The following DLG2 variants were observed in gnomAD, a reference collection of about 807,000 sequenced individuals.
DLG2 encodes disks large homolog 2.
A neutral mutation model predicts 132.5 loss-of-function variants in DLG2; 45 were observed. That is an observed-to-expected ratio of 0.34 (90% CI 0.27 to 0.44). The LOEUF is 0.44. Ranked by LOEUF, DLG2 falls within the 20% of genes least tolerant of loss-of-function variation. The pLI is 1.00. For missense variants in DLG2, 1,045 were observed against 1,196.9 expected (o/e 0.87, Z 1.87); for synonymous variants, 424 against 419.6 (o/e 1.01, Z -0.13).
At chr11:84,012,936 G>T (rs2094965898) in intron 11 of DLG2, among the ~76,000 whole-genome samples, 1 of 151,934 alleles carries the variant, frequency 6.6e-6, no homozygotes, top group Non-Finnish European at 1.5e-5. Flanking sequence ...TAATTAATTG[G>T]CTATGATGTT....
At chr11:85,008,424 G>A (rs1229839384) in intron 6 of DLG2, among the ~76,000 whole-genome samples, 1 of 152,040 alleles carries the variant, frequency 6.6e-6, no homozygotes, top group Non-Finnish European at 1.5e-5. Context: ...GTTTGAATAA[G>A]AAATTTTACA....
intron 6 of DLG2, among the ~76,000 whole-genome samples, chr11:84,721,378 A>C (rs1719998293): frequency 6.6e-6 from 1 of 152,172 alleles, no homozygotes; most frequent in East Asian, 1.9e-4. Flanking sequence ...TGTCAAACTC[A>C]AAAAAGAAGT....
chr11:84,271,426 G>A (rs1225373607), intron 7 of DLG2, among the ~76,000 whole-genome samples: 1 of 152,180 alleles, frequency 6.6e-6, no homozygotes, highest in Admixed American at 6.5e-5. Context: ...TCTATTCCAT[G>A]TATTAACACA....
intron 20 of DLG2, among the ~76,000 whole-genome samples, chr11:83,536,315 T>A (rs2095874844): frequency 6.6e-6 from 1 of 152,224 alleles, no homozygotes; most frequent in Non-Finnish European, 1.5e-5. Flanking sequence ...GTTAAATCCC[T>A]ATTTGAGTTG....
chr11:83,796,468 T>G (rs1696463268), intron 17 of DLG2, among the ~76,000 whole-genome samples: 1 of 152,234 alleles, frequency 6.6e-6, no homozygotes, highest in African/African-American at 2.4e-5. Context: ...CCCACTCCCT[T>G]CCGCATCCCT....
At chr11:84,185,299 T>G (rs953416771) in intron 8 of DLG2, among the ~76,000 whole-genome samples, 3 of 152,144 alleles carry the variant, frequency 2.0e-5, no homozygotes, top group African/African-American at 7.2e-5. Flanking sequence ...CCCTTGTAAG[T>G]TGGATTCCTA....
At chr11:84,430,293 G>T (rs570968319) in intron 7 of DLG2, among the ~76,000 whole-genome samples, 1 of 152,032 alleles carries the variant, frequency 6.6e-6, no homozygotes, top group South Asian at 2.1e-4. Flanking sequence ...AAAAAAATTA[G>T]CTGAGCTTGG....
intron 4 of DLG2, among the ~76,000 whole-genome samples, chr11:85,251,892 T>A (rs1198560612): frequency 6.6e-6 from 1 of 152,206 alleles, no homozygotes; most frequent in Admixed American, 6.5e-5. Context: ...ATTCACTTTT[T>A]AACCTAATTT....
chr11:84,811,247 T>C (rs2076528276), intron 6 of DLG2, among the ~76,000 whole-genome samples: 1 of 152,114 alleles, frequency 6.6e-6, no homozygotes, highest in Non-Finnish European at 1.5e-5. Context: ...AACCACCAGC[T>C]GGTATATAAG....
At chr11:85,159,736 A>G (rs148440740) in intron 4 of DLG2, among the ~76,000 whole-genome samples, 1 of 152,328 alleles carries the variant, frequency 6.6e-6, no homozygotes, top group East Asian at 1.9e-4. Context: ...ATTCCTGTTC[A>G]TAAGACCCAT....
intron 3 of DLG2, among the ~76,000 whole-genome samples, chr11:85,574,984 C>T (rs1420068582): frequency 6.6e-6 from 1 of 152,110 alleles, no homozygotes; most frequent in African/African-American, 2.4e-5. Context: ...TAAACCATAA[C>T]TATTTCTCAC....
intron 7 of DLG2, among the ~76,000 whole-genome samples, chr11:84,387,639 A>C (rs1385831901): frequency 2.0e-5 from 3 of 152,148 alleles, no homozygotes; most frequent in Non-Finnish European, 4.4e-5. Context: ...TACAGTACCC[A>C]AATGCCACAA....
chr11:85,269,996 C>T (rs990599687), intron 4 of DLG2, among the ~76,000 whole-genome samples: 2 of 152,046 alleles, frequency 1.3e-5, no homozygotes, highest in Admixed American at 1.3e-4. Context: ...TAATAAGGGC[C>T]AGATAAGTGT....
chr11:83,520,453 G>C (rs754826433), intron 21 of DLG2, among the ~76,000 whole-genome samples: 1 of 152,146 alleles, frequency 6.6e-6, no homozygotes, highest in Non-Finnish European at 1.5e-5. Flanking sequence ...TGCACAGAAA[G>C]GGAAAAATCA....
chr11:85,203,271 T>G (rs1476731615), intron 4 of DLG2, among the ~76,000 whole-genome samples: 1 of 150,778 alleles, frequency 6.6e-6, no homozygotes, highest in Non-Finnish European at 1.5e-5. Flanking sequence ...CAAACAAAAT[T>G]AACAAACCTG....
intron 6 of DLG2, among the ~76,000 whole-genome samples, chr11:84,992,514 T>C (rs961202690): frequency 1.3e-5 from 2 of 152,328 alleles, no homozygotes; most frequent in East Asian, 3.9e-4. Flanking sequence ...TAGGGCTCCA[T>C]GGAACACAGT....
At chr11:84,416,269 C>G (rs1270505166) in intron 7 of DLG2, among the ~76,000 whole-genome samples, 2 of 152,160 alleles carry the variant, frequency 1.3e-5, no homozygotes, top group Non-Finnish European at 2.9e-5. Flanking sequence ...TTCAATGCTT[C>G]TTAAGAATTT....
At position 85,498,914 on chromosome 11, in the gene DLG2, C is replaced by T. The variant is rs187983878; in HGVS notation, c.40+99743G>A. On this transcript the variant is annotated intron_variant, in intron 3 of 27. Transcript: ENST00000376104. ...CAATGAGAACAAGGACACCATGTAC[C>T]AGAATCTCTGGGACACATTTAAAGC... Among the ~76,000 whole-genome samples the T allele has an allele frequency of 5.1e-3, 776 of 152,228 alleles. 5 individuals carry two copies. Among genetic ancestry groups the T allele is most frequent in the Non-Finnish European group, 8.8e-3 (598 of 68,018 alleles).
At chr11:84,949,039 G>T (rs953673829) in intron 6 of DLG2, among the ~76,000 whole-genome samples, 1 of 152,086 alleles carries the variant, frequency 6.6e-6, no homozygotes, top group African/African-American at 2.4e-5. Flanking sequence ...CGGAGGACCC[G>T]CCCCGAAAAT....
Sources: allele counts gnomAD v4.1 joint callset (sites outside exome capture counted in the v4.1 genomes callset), GRCh38; gene constraint gnomAD v4.1.1; transcripts MANE v1.5; gene names NCBI Gene and HGNC (gene_info 2026-07-23, HGNC 2026-07-21).